MRAP2: variants seen among roughly 807,000 people sequenced by gnomAD.
MRAP2 encodes the protein melanocortin-2 receptor accessory protein 2.
In MRAP2, 20 loss-of-function variants were observed where a neutral mutation model predicts 17.4. The ratio of observed to expected loss-of-function variants is 1.15; its 90% CI spans 0.81 to 1.67. The LOEUF is 1.67. Ranked by LOEUF, MRAP2 falls within the 40% of genes most tolerant of loss-of-function variation. The probability of loss-of-function intolerance (pLI) is 0.00; values close to 1 mark genes in which losing one functional copy is unlikely to be tolerated. For missense variants in MRAP2, 238 were observed against 240.0 expected (o/e 0.99, Z 0.05); for synonymous variants, 96 against 88.4 (o/e 1.09, Z -0.48).
At chr6:84,100,974 A>T in the MRAP2 span, among the ~76,000 whole-genome samples, 3 of 148,614 alleles carry the variant, frequency 2.0e-5, no homozygotes, top group Non-Finnish European at 2.9e-5. Context: ...TGTCTCCAAG[A>T]TCTCTCAGTC....
the MRAP2 span, among the ~76,000 whole-genome samples, chr6:84,142,720 T>C: frequency 6.6e-6 from 1 of 152,150 alleles, no homozygotes; most frequent in Non-Finnish European, 1.5e-5. Context: ...ATCAAATAAG[T>C]ATCTCTGCTA....
At chr6:84,136,399 AG>A in the MRAP2 span, among the ~76,000 whole-genome samples, 5 of 152,254 alleles carry the variant, frequency 3.3e-5, no homozygotes, top group South Asian at 1.0e-3. Flanking sequence ...GATGAGACAG[AG>A]AGGGAATGAG....
the MRAP2 span, among the ~76,000 whole-genome samples, chr6:84,139,248 C>T: frequency 1.3e-5 from 2 of 152,186 alleles, no homozygotes; most frequent in African/African-American, 4.8e-5. Context: ...GAGTTTCCTA[C>T]CATATATTTA....
chr6:84,114,583 C>A, the MRAP2 span, among the ~76,000 whole-genome samples: 2 of 152,088 alleles, frequency 1.3e-5, no homozygotes, highest in Admixed American at 6.6e-5. Flanking sequence ...TCTGTCAGTT[C>A]GTCAAACTCA....
At chr6:84,133,298 C>G in the MRAP2 span, among the ~76,000 whole-genome samples, 1 of 152,204 alleles carries the variant, frequency 6.6e-6, no homozygotes, top group Non-Finnish European at 1.5e-5. Flanking sequence ...AGTTAGGCTA[C>G]TCAAGTGTCA....
In MRAP2 at chr6:84,089,130, C is replaced by T; in HGVS notation, c.267C>T (p.Ser89=). The part of the protein sequence containing the change: ...ESSEKRFRMN[S]FVSDFGRPLE... ...CAGAGAAGAGATTCAGAATGAACAG[C>T]TTTGTGTCAGACTTTGGAAGACCTC... Residue 89 remains serine, a synonymous_variant, in exon 4 of 4, where the codon AGC becomes AGT. Coordinates refer to ENST00000257776, the MANE Select transcript of MRAP2 (RefSeq NM_138409.4). 1.9e-6 allele frequency: 3 copies of T among 1,614,078 alleles called. No individual in the cohort carries two copies. The South Asian group carries it at 3.3e-5, about 18-fold the overall frequency.
chr6:84,113,496 T>A, the MRAP2 span, among the ~76,000 whole-genome samples: 127 of 152,312 alleles, frequency 8.3e-4, no homozygotes, highest in African/African-American at 2.7e-3. Flanking sequence ...GTGACATGGG[T>A]CTCCTGAATA....
chr6:84,037,884 C>G (rs914231381), intron 1 of MRAP2, among the ~76,000 whole-genome samples: 5 of 152,168 alleles, frequency 3.3e-5, no homozygotes, highest in African/African-American at 1.2e-4. Context: ...CAGAGAGGGG[C>G]TCCCACAGTG....
At chr6:84,087,720 C>T (rs1186051816) in intron 3 of MRAP2, among the ~76,000 whole-genome samples, 1 of 152,200 alleles carries the variant, frequency 6.6e-6, no homozygotes, top group African/African-American at 2.4e-5. Context: ...ATATTGGATT[C>T]TTGCATAAAC....
chr6:84,086,820 C>T (rs1340851209), intron 3 of MRAP2, among the ~76,000 whole-genome samples: 1 of 152,148 alleles, frequency 6.6e-6, no homozygotes, highest in Non-Finnish European at 1.5e-5. Context: ...TCTCTTGTGC[C>T]TTAGTTCTCC....
At chr6:84,112,255 C>T in the MRAP2 span, among the ~76,000 whole-genome samples, 2 of 152,066 alleles carry the variant, frequency 1.3e-5, no homozygotes, top group East Asian at 3.9e-4. Context: ...GGTTGGTAGG[C>T]TATTAATTAC....
rs187338774 is a variant in MRAP2, at chr6:84,089,658, T to C, written c.*177T>C. ...GCTGAGCTGATTAAGCTGAGTGGTT[T>C]TTTGTTTTGTTTTGTTTTTGCTTTT... On this transcript the variant is annotated 3_prime_UTR_variant, in exon 4 of 4. Coordinates refer to ENST00000257776, the MANE Select transcript of MRAP2 (RefSeq NM_138409.4). The C allele has an allele frequency of 2.1e-4, 142 of 664,870 alleles. No individual in the cohort carries two copies. The highest frequency in any genetic ancestry group is 2.0e-3 in the African/African-American group (109 of 54,562). The allele number at this position is 664,870 out of a possible 1,614,324, so 41.2% of individuals were successfully genotyped here.
At chr6:84,076,224 A>ATTT (rs1253662556) in intron 3 of MRAP2, among the ~76,000 whole-genome samples, 9 of 136,672 alleles carry the variant, frequency 6.6e-5, no homozygotes, top group African/African-American at 2.5e-4. Flanking sequence ...CACCCAGCTA[A>ATTT]TTTTTTTTTT....
At chr6:84,051,594 A>G (rs2099490436) in intron 1 of MRAP2, among the ~76,000 whole-genome samples, 1 of 152,274 alleles carries the variant, frequency 6.6e-6, no homozygotes, top group East Asian at 1.9e-4. Flanking sequence ...GTGGTGGCTC[A>G]TGCATGTAAT....
At chr6:84,079,000 T>C (rs764188285) in intron 3 of MRAP2, among the ~76,000 whole-genome samples, 3 of 152,226 alleles carry the variant, frequency 2.0e-5, no homozygotes, top group Non-Finnish European at 2.9e-5. Flanking sequence ...TGGAAAACCC[T>C]TTGCAGTTTC....
chr6:84,033,767 G>A (rs970247695), upstream of MRAP2: 2 of 986,020 alleles, frequency 2.0e-6, no homozygotes, highest in African/African-American at 1.7e-5. Context: ...TCGGATCTAG[G>A]AGCTACTCGC....
chr6:84,089,053 G>A (rs758115133), intron 3 of MRAP2, 38 bp from the exon 4 acceptor site: 9 of 1,560,470 alleles, frequency 5.8e-6, no homozygotes, highest in Middle Eastern at 1.9e-4. Context: ...TGAATGGGCT[G>A]GAGTGTAAGC....
the MRAP2 span, among the ~76,000 whole-genome samples, chr6:84,133,761 A>G: frequency 6.6e-6 from 1 of 152,268 alleles, no homozygotes; most frequent in African/African-American, 2.4e-5. Context: ...GGTACCGTCT[A>G]TCACAGCTTC....
At chr6:84,079,634 T>G (rs1562889102) in intron 3 of MRAP2, among the ~76,000 whole-genome samples, 1 of 152,184 alleles carries the variant, frequency 6.6e-6, no homozygotes, top group Non-Finnish European at 1.5e-5. Flanking sequence ...CAACCCAAAT[T>G]AACAAACAGA....
Sources: allele counts gnomAD v4.1 joint callset (sites outside exome capture counted in the v4.1 genomes callset), GRCh38; gene constraint gnomAD v4.1.1; transcripts MANE v1.5; gene names NCBI Gene and HGNC (gene_info 2026-07-23, HGNC 2026-07-21).